The following TANC2 variants were observed in gnomAD, a reference collection of about 807,000 sequenced individuals.
TANC2 encodes the protein protein TANC2.
TANC2 carries 26 observed loss-of-function variants against 210.5 expected under a neutral mutation model. The observed-to-expected ratio is 0.12, with a 90% CI of 0.09 to 0.17. The LOEUF is 0.17. TANC2 is among the 10% of genes least tolerant of loss of function. TANC2 has a pLI of 1.00. For synonymous variants in TANC2, 931 were observed against 967.1 expected (o/e 0.96, Z 0.69); for missense variants, 2,129 against 2,608.9 (o/e 0.82, Z 4.01).
intron 3 of TANC2, among the ~76,000 whole-genome samples, chr17:63,097,635 T>C (rs1391708284): frequency 4.6e-5 from 7 of 152,030 alleles, no homozygotes; most frequent in Non-Finnish European, 5.9e-5. Flanking sequence ...TTGGGCCACA[T>C]TCAAAGCTGT....
At chr17:63,173,304 CA>C (rs1439768851) in intron 5 of TANC2, among the ~76,000 whole-genome samples, 1 of 152,172 alleles carries the variant, frequency 6.6e-6, no homozygotes, top group Non-Finnish European at 1.5e-5. Flanking sequence ...CTCTGGTCTG[CA>C]GCAACCAACC....
chr17:63,226,249 T>TA (rs2042325669), intron 7 of TANC2, among the ~76,000 whole-genome samples: 1 of 152,228 alleles, frequency 6.6e-6, no homozygotes, highest in Admixed American at 6.5e-5. Flanking sequence ...CACCTTACTG[T>TA]AATGTATTCT....
chr17:63,340,546 C>A (rs2146791701), intron 12 of TANC2, among the ~76,000 whole-genome samples: 2 of 151,214 alleles, frequency 1.3e-5, no homozygotes, highest in Admixed American at 6.6e-5. Context: ...TATAAAAATT[C>A]TTATTCTTAT....
chr17:63,213,817 T>A (rs1362052050), intron 7 of TANC2, among the ~76,000 whole-genome samples: 2 of 152,218 alleles, frequency 1.3e-5, no homozygotes, highest in Non-Finnish European at 2.9e-5. Flanking sequence ...AATAATGACT[T>A]GAACATTTAA....
At chr17:63,110,037 T>C (rs1428521941) in intron 4 of TANC2, among the ~76,000 whole-genome samples, 1 of 151,750 alleles carries the variant, frequency 6.6e-6, no homozygotes, top group Non-Finnish European at 1.5e-5. Flanking sequence ...CATCTTCTGC[T>C]CTAGTAACCA....
At chr17:63,053,464 T>C (rs1245283571) in intron 2 of TANC2, among the ~76,000 whole-genome samples, 1 of 152,242 alleles carries the variant, frequency 6.6e-6, no homozygotes, top group Non-Finnish European at 1.5e-5. Flanking sequence ...CCTTGTCTTG[T>C]TCCTATTCTC....
At chr17:63,192,143 G>A (rs1266907618) in intron 5 of TANC2, among the ~76,000 whole-genome samples, 2 of 152,068 alleles carry the variant, frequency 1.3e-5, no homozygotes, top group South Asian at 2.1e-4. Flanking sequence ...ACCTGGTATC[G>A]GATTTCTTTC....
At chr17:63,123,730 A>G (rs1598432722) in intron 4 of TANC2, among the ~76,000 whole-genome samples, 1 of 117,380 alleles carries the variant, frequency 8.5e-6, no homozygotes, top group Non-Finnish European at 1.6e-5. Flanking sequence ...GCTGTCACCC[A>G]GGCTAGAGTC....
At chr17:63,021,701 T>G (rs2034355007) in intron 2 of TANC2, among the ~76,000 whole-genome samples, 1 of 152,136 alleles carries the variant, frequency 6.6e-6, no homozygotes, top group African/African-American at 2.4e-5. Flanking sequence ...TACTTGAAAA[T>G]GTAGAAGCAG....
chr17:63,400,839 G>C (rs1445618925), intron 19 of TANC2, among the ~76,000 whole-genome samples: 1 of 150,092 alleles, frequency 6.7e-6, no homozygotes, highest in Non-Finnish European at 1.5e-5. Context: ...TTTTAGTAAA[G>C]ATGGGGTTTC....
intron 5 of TANC2, among the ~76,000 whole-genome samples, chr17:63,167,709 TAATAAG>T (rs951888911): frequency 6.6e-6 from 1 of 151,308 alleles, no homozygotes; most frequent in African/African-American, 2.4e-5. Context: ...AAACCAAAAT[TAATAAG>T]AATCAAAGAT....
chr17:63,229,814 G>A (rs1186719519), intron 7 of TANC2, among the ~76,000 whole-genome samples: 1 of 147,258 alleles, frequency 6.8e-6, no homozygotes, highest in East Asian at 2.0e-4. Context: ...CTGTTGCCCA[G>A]GCTGGAGTGT....
intron 27 of TANC2, among the ~76,000 whole-genome samples, chr17:63,419,182 A>C (rs1193605691): frequency 6.6e-6 from 1 of 152,192 alleles, no homozygotes; most frequent in Non-Finnish European, 1.5e-5. Flanking sequence ...ATGGTCCCGA[A>C]AATCACACCC....
At chr17:63,117,770 G>A (rs2038308512) in intron 4 of TANC2, among the ~76,000 whole-genome samples, 1 of 152,164 alleles carries the variant, frequency 6.6e-6, no homozygotes. Flanking sequence ...AAACCTGTGA[G>A]TATGATGAGT....
chr17:63,198,833 T>C (rs1344444455), intron 6 of TANC2, among the ~76,000 whole-genome samples: 1 of 152,058 alleles, frequency 6.6e-6, no homozygotes, highest in Non-Finnish European at 1.5e-5. Context: ...ATTATAAAAA[T>C]AGAGATTTTA....
chr17:63,383,392 A>T (rs536889620), intron 15 of TANC2, among the ~76,000 whole-genome samples: 2 of 152,280 alleles, frequency 1.3e-5, no homozygotes, highest in African/African-American at 4.8e-5. Context: ...ACCCCTGGCA[A>T]CCACTGATCT....
At chr17:63,282,730 A>T (rs972731603) in intron 9 of TANC2, among the ~76,000 whole-genome samples, 5 of 152,034 alleles carry the variant, frequency 3.3e-5, no homozygotes, top group Non-Finnish European at 7.4e-5. Context: ...ATATTCTACT[A>T]CTATGTAGTG....
chr17:63,029,200 A>G (rs1231474010), intron 2 of TANC2, among the ~76,000 whole-genome samples: 1 of 152,100 alleles, frequency 6.6e-6, no homozygotes, highest in Non-Finnish European at 1.5e-5. Flanking sequence ...GTGTATAAAA[A>G]TTTGAAAATT....
At chr17:63,337,390 T>G (rs1375880161) in intron 11 of TANC2, among the ~76,000 whole-genome samples, 1 of 151,990 alleles carries the variant, frequency 6.6e-6, no homozygotes, top group Non-Finnish European at 1.5e-5. Flanking sequence ...TATTAATTTT[T>G]ACAAGAAAAT....
Sources: allele counts gnomAD v4.1 joint callset (sites outside exome capture counted in the v4.1 genomes callset), GRCh38; gene constraint gnomAD v4.1.1; transcripts MANE v1.5; gene names NCBI Gene and HGNC (gene_info 2026-07-23, HGNC 2026-07-21).